Variants in TBC1D32 observed in about 807,000 individuals in gnomAD.
The protein encoded by TBC1D32 is protein broad-minded.
Under a neutral mutation model 170.3 loss-of-function variants are expected in TBC1D32, and 151 were observed. The observed-to-expected ratio is 0.89, with a 90% CI of 0.78 to 1.01. The LOEUF is 1.01. Ranked by LOEUF, TBC1D32 falls within the 50% of genes least tolerant of loss-of-function variation. The pLI is 0.00. For synonymous variants in TBC1D32, 498 were observed against 488.0 expected (o/e 1.02, Z -0.27); for missense variants, 1,464 against 1,457.1 (o/e 1.00, Z -0.08).
chr6:121,080,477 G>C lies in TBC1D32; in HGVS notation c.*294C>G. 1 of 255,170 alleles carries C rather than the reference G, an allele frequency of 3.9e-6. No homozygotes were observed. Among genetic ancestry groups the C allele is most frequent in the Non-Finnish European group, 7.7e-6 (1 of 129,204 alleles). The allele number at this position is 255,170 out of a possible 1,614,324, so 15.8% of individuals were successfully genotyped here. A position where few individuals can be genotyped will look rare whatever the true frequency, so the allele number is the denominator to read the frequency against. Reference sequence around the variant, plus strand: ...GATCCGCCCACCTCAGACTCCCAAAGTGCTGGGATTACAGGCATGAGCCAC... The same window carrying C: ...GATCCGCCCACCTCAGACTCCCAAACTGCTGGGATTACAGGCATGAGCCAC... On this transcript the variant is annotated 3_prime_UTR_variant, in exon 32 of 32. Coordinates refer to ENST00000398212, the MANE Select transcript of TBC1D32 (RefSeq NM_152730.6).
rs1249677941 is a variant in TBC1D32, at chr6:121,115,198, C to A, written c.3027G>T (p.Gln1009His). The A allele has an allele frequency of 1.9e-6, 3 of 1,602,954 alleles. No individual in the cohort carries two copies. Among genetic ancestry groups the A allele is most frequent in the African/African-American group, 2.7e-5 (2 of 74,738 alleles). Residue 1009 changes from glutamine (Q) to histidine (H), a missense_variant, in exon 27 of 32, where the codon CAG (glutamine) becomes CAT (histidine). Physicochemically the swap from Gln to His is conservative, Grantham distance 24. Transcript: ENST00000398212. Reference sequence around the variant, plus strand: ...TGACAGTCATTTTAATGCCAAGCTGCTGCACAGATGAAAGACTTTCATTCT... The same window carrying A: ...TGACAGTCATTTTAATGCCAAGCTGATGCACAGATGAAAGACTTTCATTCT... Reference protein sequence around the residue: ...NVKNESLSSVQQLGIKMTVRY... With the variant: ...NVKNESLSSVHQLGIKMTVRY...
intron 17 of TBC1D32, among the ~76,000 whole-genome samples, chr6:121,249,017 T>C (rs1371224854): frequency 6.6e-6 from 1 of 151,736 alleles, no homozygotes; most frequent in Non-Finnish European, 1.5e-5. Flanking sequence ...TACAGACCAA[T>C]ATCTCTGATA....
chr6:121,086,142 T>G (rs1776252412), intron 31 of TBC1D32, among the ~76,000 whole-genome samples: 1 of 152,050 alleles, frequency 6.6e-6, no homozygotes, highest in Admixed American at 6.6e-5. Context: ...TAATAACCGC[T>G]AAGTTTTTTT....
At chr6:121,178,718 A>G (rs1174811925) in intron 22 of TBC1D32, among the ~76,000 whole-genome samples, 5 of 152,188 alleles carry the variant, frequency 3.3e-5, no homozygotes, top group Admixed American at 1.3e-4. Context: ...TTACAAGATT[A>G]CATTCCATAA....
intron 26 of TBC1D32, among the ~76,000 whole-genome samples, chr6:121,125,565 G>C (rs916065782): frequency 6.6e-6 from 1 of 151,922 alleles, no homozygotes; most frequent in East Asian, 1.9e-4. Flanking sequence ...GCAACGGGGG[G>C]GTCAGAGCTG....
intron 30 of TBC1D32, chr6:121,095,928 G>A (rs996068480): frequency 1.3e-5 from 2 of 152,122 alleles, no homozygotes; most frequent in Admixed American, 1.3e-4. Context: ...TTTGGTATCA[G>A]GATGATGCTG....
At chr6:121,322,697 G>T (rs898924281) in intron 1 of TBC1D32, among the ~76,000 whole-genome samples, 1 of 152,136 alleles carries the variant, frequency 6.6e-6, no homozygotes, top group African/African-American at 2.4e-5. Flanking sequence ...TGGTAGACTT[G>T]ACAACAGAAC....
intron 20 of TBC1D32, among the ~76,000 whole-genome samples, chr6:121,229,732 C>A (rs1160980890): frequency 6.6e-6 from 1 of 152,120 alleles, no homozygotes; most frequent in Non-Finnish European, 1.5e-5. Context: ...GAGGCACTAT[C>A]TTCACCTACT....
rs866247637 is a variant in TBC1D32 at position 121,106,049 on chromosome 6, G to GA, written c.3438dup (p.His1147SerfsTer41). The stretch of plus-strand genomic sequence containing the variant: ...TGTGATGGTGCAAAACCAGACATGT[G>GA]AAAAGCTGAAAACACAAGAGGCAAC... On this transcript the variant is annotated frameshift_variant, in exon 30 of 32. Coordinates refer to ENST00000398212, the MANE Select transcript of TBC1D32 (RefSeq NM_152730.6). LOFTEE classifies it high-confidence loss of function. The GA allele has an allele frequency of 9.3e-6, 15 of 1,607,628 alleles. No homozygotes were observed. The highest frequency in any genetic ancestry group is 1.3e-5 in the Non-Finnish European group (15 of 1,175,618).
intron 30 of TBC1D32, among the ~76,000 whole-genome samples, chr6:121,099,189 T>G (rs917640625): frequency 1.3e-5 from 2 of 151,894 alleles, no homozygotes; most frequent in African/African-American, 2.4e-5. Context: ...TAATCAAAGA[T>G]GTGCAGGATA....
Position 121,091,036 on chromosome 6 carries a change from G to A in TBC1D32, c.3471C>T (p.Cys1157=), listed in dbSNP as rs771243654. Residue 1157 remains cysteine, a synonymous_variant, in exon 31 of 32, where the codon TGC becomes TGT. Transcript: ENST00000398212. ...AAAAACACTGGGTTATCCATTGCAG[G>A]CAAATCTTTAAAAAAAAAAAGTAGT... ...HMSGFAPSQI[C]LQWITQCFWN... is the part of the protein sequence containing the mutation. The A allele has an allele frequency of 1.0e-5, 16 of 1,562,096 alleles. No individual in the cohort carries two copies. Among genetic ancestry groups the A allele is most frequent in the Non-Finnish European group, 1.1e-5 (13 of 1,168,142 alleles).
intron 15 of TBC1D32, among the ~76,000 whole-genome samples, chr6:121,257,264 T>C (rs992113934): frequency 6.6e-6 from 1 of 152,104 alleles, no homozygotes; most frequent in Non-Finnish European, 1.5e-5. Flanking sequence ...CTTGGTAAAA[T>C]AACTTCATAG....
Position 121,161,776 on chromosome 6 carries a change from G to A in TBC1D32, c.2571-720C>T, listed in dbSNP as rs1276001504. Among the ~76,000 whole-genome samples the A allele has an allele frequency of 5.9e-5, 9 of 152,214 alleles. No homozygotes were observed. The South Asian group carries it at 1.0e-3, about 18-fold the overall frequency. ...GAATTGCCACACTGTCTTCCACAAC[G>A]GTTGAACTAATTTACACTCCCAACA... On this transcript the variant is annotated intron_variant, in intron 22 of 31. Transcript: ENST00000398212.
intron 24 of TBC1D32, among the ~76,000 whole-genome samples, chr6:121,143,569 G>A (rs1391935160): frequency 6.6e-6 from 1 of 152,046 alleles, no homozygotes; most frequent in African/African-American, 2.4e-5. Context: ...CCACAACAAT[G>A]AAATTATATC....
intron 15 of TBC1D32, among the ~76,000 whole-genome samples, chr6:121,273,580 T>C (rs1801801306): frequency 6.6e-6 from 1 of 150,850 alleles, no homozygotes; most frequent in Admixed American, 6.6e-5. Context: ...GACACACATA[T>C]ACATATGTAA....
Position 121,087,905 on chromosome 6 carries a change from T to C in TBC1D32, c.3654+2948A>G, listed in dbSNP as rs533965334. On this transcript the variant is annotated intron_variant, in intron 31 of 31. Coordinates refer to ENST00000398212, the MANE Select transcript of TBC1D32 (RefSeq NM_152730.6). The stretch of plus-strand genomic sequence containing the variant: ...GAGGGGATAATGTGATTAAATAATC[T>C]ATACAAGAATATTATTATGGCTGTG... 2.1e-3 allele frequency among the ~76,000 whole-genome samples: 312 copies of C among 152,000 alleles called. 1 individual carries two copies. The highest frequency in any genetic ancestry group is 7.2e-3 in the African/African-American group (300 of 41,436).
intron 1 of TBC1D32, among the ~76,000 whole-genome samples, chr6:121,328,851 T>G (rs578049546): frequency 1.3e-5 from 2 of 152,336 alleles, no homozygotes; most frequent in African/African-American, 4.8e-5. Flanking sequence ...TATGCATACA[T>G]TTGACTAACC....
intron 21 of TBC1D32, among the ~76,000 whole-genome samples, chr6:121,214,165 C>A (rs1793515224): frequency 6.6e-6 from 1 of 152,114 alleles, no homozygotes; most frequent in Non-Finnish European, 1.5e-5. Flanking sequence ...AAATGTAAAA[C>A]CCAAAACTAT....
chr6:121,186,471 T>G (rs1181813751), intron 22 of TBC1D32, among the ~76,000 whole-genome samples: 1 of 151,992 alleles, frequency 6.6e-6, no homozygotes, highest in Non-Finnish European at 1.5e-5. Flanking sequence ...TATAGCATCC[T>G]AACCAGTGGG....
Sources: gnomAD v4.1 joint callset for allele counts (sites outside exome capture counted in the v4.1 genomes callset) on GRCh38, gnomAD v4.1.1 for gene constraint, MANE v1.5 for transcripts, NCBI Gene and HGNC (gene_info 2026-07-23, HGNC 2026-07-21) for gene names.